The following CNTNAP2 variants were observed in gnomAD, a reference collection of about 807,000 sequenced individuals.
CNTNAP2 encodes contactin associated protein 2, also known as contactin-associated protein-like 2.
In CNTNAP2, 98 loss-of-function variants were observed where a neutral mutation model predicts 155.2. The observed-to-expected ratio is 0.63, with a 90% CI of 0.54 to 0.75. The LOEUF (loss-of-function observed/expected upper bound fraction) is 0.75. Among genes scored for constraint, CNTNAP2 ranks in the 30% least tolerant of loss-of-function variants. The pLI is 0.00. For synonymous variants in CNTNAP2, 651 were observed against 631.2 expected (o/e 1.03, Z -0.47); for missense variants, 1,727 against 1,688.1 (o/e 1.02, Z -0.40).
chr7:147,640,275 G>A (rs764410469), intron 13 of CNTNAP2, among the ~76,000 whole-genome samples: 5 of 151,888 alleles, frequency 3.3e-5, no homozygotes, highest in South Asian at 4.2e-4. Flanking sequence ...AGCAGTTTTC[G>A]AGATATAATA....
intron 9 of CNTNAP2, among the ~76,000 whole-genome samples, chr7:147,391,001 T>A (rs1378115312): frequency 3.3e-5 from 5 of 152,022 alleles, no homozygotes; most frequent in Non-Finnish European, 7.4e-5. Context: ...ATTGTCTAAG[T>A]CAAGTCAATC....
chr7:146,411,808 ATTTTAT>A (rs1795868401), intron 1 of CNTNAP2, among the ~76,000 whole-genome samples: 3 of 139,456 alleles, frequency 2.2e-5, no homozygotes, highest in African/African-American at 9.4e-5. Flanking sequence ...TTTTTATTTT[ATTTTAT>A]TTTATTTATT....
chr7:147,366,009 G>T (rs1451252304), intron 9 of CNTNAP2, among the ~76,000 whole-genome samples: 1 of 152,066 alleles, frequency 6.6e-6, no homozygotes, highest in Non-Finnish European at 1.5e-5. Context: ...AATTATTTGT[G>T]TGAATTCTTT....
At chr7:146,441,794 C>T (rs1796324133) in intron 1 of CNTNAP2, among the ~76,000 whole-genome samples, 1 of 151,454 alleles carries the variant, frequency 6.6e-6, no homozygotes. Context: ...GACAAGGACA[C>T]AGAGATGATC....
chr7:146,894,971 T>C (rs2129212258), intron 3 of CNTNAP2, among the ~76,000 whole-genome samples: 2 of 152,250 alleles, frequency 1.3e-5, no homozygotes, highest in East Asian at 3.9e-4. Flanking sequence ...GTTACTACAT[T>C]CTCCCAACCA....
chr7:147,774,594 A>G (rs919563612), intron 13 of CNTNAP2, among the ~76,000 whole-genome samples: 1 of 152,156 alleles, frequency 6.6e-6, no homozygotes, highest in Non-Finnish European at 1.5e-5. Flanking sequence ...CTGATCTGCT[A>G]GGATTAGTCC....
At chr7:147,509,196 A>G (rs1345562473) in intron 11 of CNTNAP2, among the ~76,000 whole-genome samples, 1 of 152,146 alleles carries the variant, frequency 6.6e-6, no homozygotes, top group African/African-American at 2.4e-5. Context: ...TGCAGGAAAC[A>G]TTGTATCATC....
At chr7:147,588,735 C>T (rs1216069880) in intron 12 of CNTNAP2, among the ~76,000 whole-genome samples, 1 of 152,164 alleles carries the variant, frequency 6.6e-6, no homozygotes, top group Admixed American at 6.6e-5. Flanking sequence ...CTTCAGGCAA[C>T]TGACATTTAT....
rs778443703 is a variant in CNTNAP2 at position 148,416,885 on chromosome 7, C to T, written c.*1269C>T. 1 of 151,602 alleles carries T rather than the reference C, an allele frequency of 6.6e-6. No individual in the cohort carries two copies. Among genetic ancestry groups the T allele is most frequent in the Non-Finnish European group, 1.5e-5 (1 of 68,034 alleles). 9.4% of individuals were successfully genotyped at this position (151,602 alleles called of 1,614,324 possible). A position where few individuals can be genotyped will look rare whatever the true frequency, so the allele number is the denominator to read the frequency against. ...GGATGGAGAAGTGTAGTTAATCACA[C>T]CTCTTAGTTTAATCTGAAATCTTGA... On this transcript the variant is annotated 3_prime_UTR_variant, in exon 24 of 24. Coordinates refer to ENST00000361727, the MANE Select transcript of CNTNAP2 (RefSeq NM_014141.6).
chr7:147,853,820 T>C (rs1294679616), intron 13 of CNTNAP2, among the ~76,000 whole-genome samples: 2 of 152,204 alleles, frequency 1.3e-5, no homozygotes, highest in Non-Finnish European at 2.9e-5. Flanking sequence ...TTTGCTTATA[T>C]AAAGTGCTTT....
At chr7:147,723,436 G>A (rs1357588782) in intron 13 of CNTNAP2, among the ~76,000 whole-genome samples, 1 of 152,008 alleles carries the variant, frequency 6.6e-6, no homozygotes, top group African/African-American at 2.4e-5. Context: ...ATAAGACTCA[G>A]ACAAGCACAG....
chr7:147,250,824 G>T (rs1001960213), intron 8 of CNTNAP2, among the ~76,000 whole-genome samples: 1 of 152,128 alleles, frequency 6.6e-6, no homozygotes, highest in Non-Finnish European at 1.5e-5. Flanking sequence ...AGGGGCTCCG[G>T]CTGAGCAGTC....
chr7:148,406,564 ATTG>A (rs1023920768), intron 22 of CNTNAP2, among the ~76,000 whole-genome samples: 6 of 152,118 alleles, frequency 3.9e-5, no homozygotes, highest in African/African-American at 1.4e-4. Flanking sequence ...GGTAGAGAAG[ATTG>A]TTGACTTTGG....
chr7:147,038,466 G>A (rs1177830791), intron 3 of CNTNAP2, among the ~76,000 whole-genome samples: 3 of 152,150 alleles, frequency 2.0e-5, no homozygotes, highest in Non-Finnish European at 2.9e-5. Flanking sequence ...AAACACCTTA[G>A]CAAGCTCTGG....
chr7:146,166,142 G>GGCAACAA (rs1479054015), intron 1 of CNTNAP2, among the ~76,000 whole-genome samples: 4 of 152,090 alleles, frequency 2.6e-5, no homozygotes, highest in African/African-American at 9.7e-5. Context: ...TGCCCAGGCT[G>GGCAACAA]GAGTGCAGTG....
intron 1 of CNTNAP2, among the ~76,000 whole-genome samples, chr7:146,496,978 G>T (rs1477945630): frequency 2.0e-5 from 3 of 152,170 alleles, no homozygotes; most frequent in African/African-American, 7.2e-5. Context: ...TGGAATTGTG[G>T]AGTGGGCATT....
chr7:146,480,273 T>C (rs922323457), intron 1 of CNTNAP2, among the ~76,000 whole-genome samples: 11 of 149,522 alleles, frequency 7.4e-5, no homozygotes, highest in Admixed American at 2.0e-4. Flanking sequence ...AATAAAAGAA[T>C]GGAAATGATT....
In CNTNAP2 at chr7:146,726,900, T is replaced by A. The variant is rs1801439913; in HGVS notation, c.98-47371T>A. On this transcript the variant is annotated intron_variant, in intron 1 of 23. Coordinates refer to ENST00000361727, the MANE Select transcript of CNTNAP2 (RefSeq NM_014141.6). The stretch of plus-strand genomic sequence containing the variant: ...AAAATATATTATTTCTCTTTTCCTC[T>A]CCATTTTTAAAAATAAACCACACAG... 2.6e-5 allele frequency among the ~76,000 whole-genome samples: 4 copies of A among 152,200 alleles called. No individual in the cohort carries two copies. In the South Asian group the frequency reaches 8.3e-4, roughly 31 times the overall value.
intron 1 of CNTNAP2, among the ~76,000 whole-genome samples, chr7:146,739,641 A>G (rs1801678681): frequency 6.6e-6 from 1 of 152,006 alleles, no homozygotes; most frequent in Non-Finnish European, 1.5e-5. Context: ...ATGGAATGTT[A>G]TTTATATGTC....
Sources: allele counts gnomAD v4.1 joint callset (sites outside exome capture counted in the v4.1 genomes callset), GRCh38; gene constraint gnomAD v4.1.1; transcripts MANE v1.5; gene names NCBI Gene and HGNC (gene_info 2026-07-23, HGNC 2026-07-21).